ATP6V0B: variants seen among roughly 807,000 people sequenced by gnomAD.
The protein encoded by ATP6V0B is V-type proton ATPase 21 kDa proteolipid subunit c''.
Under a neutral mutation model 26.2 loss-of-function variants are expected in ATP6V0B, and 4 were observed. The ratio of observed to expected loss-of-function variants is 0.15; its 90% CI spans 0.08 to 0.35. The LOEUF is 0.35. Among genes scored for constraint, ATP6V0B ranks in the 10% least tolerant of loss-of-function variants. The pLI is 1.00. For missense variants in ATP6V0B, 175 were observed against 272.5 expected (o/e 0.64, Z 2.52); for synonymous variants, 110 against 105.8 (o/e 1.04, Z -0.24).
At chr1:43,977,431 C>A (rs1420858079) in intron 7 of ATP6V0B, 3 of 1,464,830 alleles carry the variant, frequency 2.0e-6, no homozygotes, top group Non-Finnish European at 2.7e-6. Context: ...TGTTCTTTTT[C>A]CCCCCTTTCT....
In ATP6V0B at chr1:43,975,661, A is replaced by G. The variant is rs780796738; in HGVS notation, c.68-139A>G. 11 of 901,798 alleles carry G rather than the reference A, an allele frequency of 1.2e-5. No individual in the cohort carries two copies. In the East Asian group the frequency reaches 2.4e-4, roughly 20 times the overall value. The allele number at this position is 901,798 out of a possible 1,614,324, so 55.9% of individuals were successfully genotyped here. On this transcript the variant is annotated intron_variant, in intron 1 of 7. Transcript: ENST00000472174. ...GGCCTAAGCAGAGGAATCTGTCTAC[A>G]CAGCTGTACTGTCACCTGGGGGCAG...
At chr1:43,975,312 G>A (rs1008237813) in intron 1 of ATP6V0B, 2 of 645,186 alleles carry the variant, frequency 3.1e-6, no homozygotes, top group Non-Finnish European at 5.3e-6. Flanking sequence ...GGGCGGGTAG[G>A]GGCCGCGAGG....
intron 1 of ATP6V0B, chr1:43,975,342 C>T: frequency 3.4e-6 from 2 of 591,946 alleles, no homozygotes; most frequent in Admixed American, 3.2e-5. Flanking sequence ...CCCCGTCCTG[C>T]CACTATCGCT....
chr1:43,977,241 CTGTGTCCT>C, intron 7 of ATP6V0B, 25 bp downstream of exon 7: 2 of 1,614,200 alleles, frequency 1.2e-6, no homozygotes, highest in East Asian at 2.2e-5. Flanking sequence ...TGGGAAGCCT[CTGTGTCCT>C]TGTCCCCAAC....
At chr1:43,975,399 C>G (rs999194156) in intron 1 of ATP6V0B, 1 of 555,146 alleles carries the variant, frequency 1.8e-6, no homozygotes, top group African/African-American at 2.0e-5. Context: ...CTTTCTTGCT[C>G]CTGACCGGCC....
At position 43,978,095 on chromosome 1, in the gene ATP6V0B, A is replaced by G; in HGVS notation, c.*88A>G. 1 of 1,589,510 alleles carries G rather than the reference A, an allele frequency of 6.3e-7. No individual in the cohort carries two copies. ...GGAGCTGTGTCCCTTAGCCTTTCAG[A>G]GGCTTGGTGTTCAGGGCCCTCCCTG... On this transcript the variant is annotated 3_prime_UTR_variant, in exon 8 of 8. Coordinates refer to ENST00000472174, the MANE Select transcript of ATP6V0B (RefSeq NM_004047.5).
chr1:43,978,028 C>T lies in ATP6V0B; in HGVS notation c.*21C>T, dbSNP rs755472183. The T allele has an allele frequency of 6.8e-6, 11 of 1,614,028 alleles. No homozygotes were observed. The highest frequency in any genetic ancestry group is 4.0e-5 in the African/African-American group (3 of 74,900). On this transcript the variant is annotated 3_prime_UTR_variant, in exon 8 of 8. Transcript: ENST00000472174. Reference sequence around the variant, plus strand: ...ACTAGATGATATGTGTGGGTGGGGCCGTGCCTCACTTTTATTTATTGCTGG... The same window carrying T: ...ACTAGATGATATGTGTGGGTGGGGCTGTGCCTCACTTTTATTTATTGCTGG...
chr1:43,977,237 G>A, intron 7 of ATP6V0B, 21 bp downstream of exon 7: 1 of 1,614,202 alleles, frequency 6.2e-7, no homozygotes, highest in South Asian at 1.1e-5. Context: ...CCCTTGGGAA[G>A]CCTCTGTGTC....
At position 43,976,996 on chromosome 1, in the gene ATP6V0B, G is replaced by A. The variant is rs1340881113; in HGVS notation, c.401-30G>A. 2 of 1,600,640 alleles carry A rather than the reference G, an allele frequency of 1.2e-6. No individual in the cohort carries two copies. Among genetic ancestry groups the A allele is most frequent in the Admixed American group, 1.7e-5 (1 of 59,408 alleles). On this transcript the variant is annotated intron_variant, in intron 6 of 7. Coordinates refer to ENST00000472174, the MANE Select transcript of ATP6V0B (RefSeq NM_004047.5). The surrounding 1 kb of genome is among the most constrained non-coding windows in gnomAD (Gnocchi z 4.6). ...CCATATCTCCCCCATTCCTGGCTTA[G>A]CCTCACTGCACCCCTCTCTATCCTC...
Position 43,977,231 on chromosome 1 carries a change from T to C in ATP6V0B, c.591+15T>C. The C allele has an allele frequency of 1.9e-6, 3 of 1,614,222 alleles. No homozygotes were observed. Among genetic ancestry groups the C allele is most frequent in the Non-Finnish European group, 2.5e-6 (3 of 1,180,040 alleles). On this transcript the variant is annotated intron_variant, in intron 7 of 7. Coordinates refer to ENST00000472174, the MANE Select transcript of ATP6V0B (RefSeq NM_004047.5). ...CAATTCTTCAGGTGATGAATCCCCTTGGGAAGCCTCTGTGTCCTTGTCCCC... is the reference window on the plus strand; with the variant it reads ...CAATTCTTCAGGTGATGAATCCCCTCGGGAAGCCTCTGTGTCCTTGTCCCC...
chr1:43,977,327 C>T, intron 7 of ATP6V0B, 111 bp downstream of exon 7: 1 of 1,589,040 alleles, frequency 6.3e-7, no homozygotes, highest in African/African-American at 1.3e-5. Flanking sequence ...TAGATTCCCC[C>T]AAACAGCTTC....
At chr1:43,977,773 T>A in intron 7 of ATP6V0B, 1 of 1,482,694 alleles carries the variant, frequency 6.7e-7, no homozygotes, top group Non-Finnish European at 8.9e-7. Flanking sequence ...TTTATCCATA[T>A]GCCACTTCTC....
Position 43,976,698 on chromosome 1 carries a change from T to C in ATP6V0B, c.348+39T>C, listed in dbSNP as rs1208773533. The stretch of plus-strand genomic sequence containing the variant: ...GGGTGGTGGCGGGAATCCATTCCAG[T>C]GTGTTCTACACATTCCTTAGAGATT... On this transcript the variant is annotated intron_variant, in intron 5 of 7. Coordinates refer to ENST00000472174, the MANE Select transcript of ATP6V0B (RefSeq NM_004047.5). This position sits in a 1 kb window ranked among gnomAD's most constrained non-coding sequence, Gnocchi z 4.6. The C allele has an allele frequency of 4.3e-6, 7 of 1,613,510 alleles. No individual in the cohort carries two copies. The highest frequency in any genetic ancestry group is 1.1e-5 in the South Asian group (1 of 91,036).
chr1:43,976,396 T>C lies in ATP6V0B; in HGVS notation c.278+17T>C. ...CCTGGTCAGGTAAGTGTCAGGGTCCTTGGACTTTTGTCAGAACCAGCTGTG... is the reference window on the plus strand; with the variant it reads ...CCTGGTCAGGTAAGTGTCAGGGTCCCTGGACTTTTGTCAGAACCAGCTGTG... On this transcript the variant is annotated intron_variant, in intron 4 of 7. Transcript: ENST00000472174. This position sits in a 1 kb window ranked among gnomAD's most constrained non-coding sequence, Gnocchi z 4.6. 6.2e-7 allele frequency: 1 copy of C among 1,603,732 alleles called. No homozygotes were observed. Among genetic ancestry groups the C allele is most frequent in the Non-Finnish European group, 8.5e-7 (1 of 1,174,436 alleles).
At position 43,978,168 on chromosome 1, in the gene ATP6V0B, C is replaced by G. The variant is rs1260462142; in HGVS notation, c.*161C>G. On this transcript the variant is annotated 3_prime_UTR_variant, in exon 8 of 8. Transcript: ENST00000472174. ...GATTTGGAGGCACTGCAGTCCAGGC[C>G]GAGTCCTCAGTGCGGGGAGCAGGCT... is the stretch of plus-strand genomic sequence containing the variant. 5.3e-5 allele frequency: 56 copies of G among 1,059,344 alleles called. No homozygotes were observed. The highest frequency in any genetic ancestry group is 1.3e-5 in the Non-Finnish European group (9 of 700,800). 65.6% of individuals were successfully genotyped at this position (1,059,344 alleles called of 1,614,324 possible).
At position 43,978,041 on chromosome 1, in the gene ATP6V0B, T is replaced by C; in HGVS notation, c.*34T>C. ...TGTGGGTGGGGCCGTGCCTCACTTTTATTTATTGCTGGTTTTCCTGGGACA... is the reference window on the plus strand; with the variant it reads ...TGTGGGTGGGGCCGTGCCTCACTTTCATTTATTGCTGGTTTTCCTGGGACA... On this transcript the variant is annotated 3_prime_UTR_variant, in exon 8 of 8. Coordinates refer to ENST00000472174, the MANE Select transcript of ATP6V0B (RefSeq NM_004047.5). 6.2e-7 allele frequency: 1 copy of C among 1,614,168 alleles called. No individual in the cohort carries two copies. Among genetic ancestry groups the C allele is most frequent in the Non-Finnish European group, 8.5e-7 (1 of 1,179,988 alleles).
intron 2 of ATP6V0B, 99 bp downstream of exon 2, chr1:43,975,947 TGG>T (rs1377008480): frequency 6.6e-7 from 1 of 1,511,266 alleles, no homozygotes; most frequent in Non-Finnish European, 9.1e-7. Context: ...ACTGCCTGCC[TGG>T]GACATGGACC....
intron 7 of ATP6V0B, 122 bp downstream of exon 7, chr1:43,977,338 C>T (rs1230295687): frequency 1.9e-6 from 3 of 1,573,442 alleles, no homozygotes; most frequent in African/African-American, 1.4e-5. Context: ...AAACAGCTTC[C>T]ACCTCCTCAT....
chr1:43,976,622 GCAT>G lies in ATP6V0B; in HGVS notation c.318_320del (p.Ile106del). On this transcript the variant is annotated inframe_deletion, in exon 5 of 8. Coordinates refer to ENST00000472174, the MANE Select transcript of ATP6V0B (RefSeq NM_004047.5). The surrounding 1 kb of genome is among the most constrained non-coding windows in gnomAD (Gnocchi z 4.6). Reference sequence around the variant, plus strand: ...TTCTGTGAGGCTGTGGCCATCTACGGCATCATCATGGCAATTGTCATTAGCAAC... The same window carrying G: ...TTCTGTGAGGCTGTGGCCATCTACGGCATCATGGCAATTGTCATTAGCAAC... 1 of 1,614,142 alleles carries G rather than the reference GCAT, an allele frequency of 6.2e-7. No homozygotes were observed. Among genetic ancestry groups the G allele is most frequent in the Non-Finnish European group, 8.5e-7 (1 of 1,180,034 alleles).
Sources: gnomAD v4.1 joint callset for allele counts on GRCh38, gnomAD v4.1.1 for gene constraint, Gnocchi (gnomAD v3.1) non-coding constraint, MANE v1.5 for transcripts, NCBI Gene and HGNC (gene_info 2026-07-23, HGNC 2026-07-21) for gene names.